Variants in GJB1 observed in about 807,000 individuals in gnomAD.
The protein encoded by GJB1 is gap junction beta-1 protein.
GJB1 carries 1 observed loss-of-function variant against 12.0 expected under a neutral mutation model. That is an observed-to-expected ratio of 0.08 (90% confidence interval 0.03 to 0.40). GJB1 has a LOEUF of 0.40. Ranked by LOEUF, GJB1 falls within the 10% of genes least tolerant of loss-of-function variation. The pLI, the probability that GJB1 is intolerant of heterozygous loss-of-function variation, is 0.98. For missense variants in GJB1, 140 were observed against 250.3 expected (o/e 0.56, Z 2.97); for synonymous variants, 114 against 102.8 (o/e 1.11, Z -0.66).
chrX:71,218,154 T>C (rs76949182), intron 1 of GJB1, among the ~76,000 whole-genome samples: 3 of 110,192 alleles, frequency 2.7e-5, no homozygotes, highest in Admixed American at 9.8e-5. Context: ...TAGCCAGGTG[T>C]GGTGACACGC....
At chrX:71,218,103 C>T (rs751907481) in intron 1 of GJB1, among the ~76,000 whole-genome samples, 1 of 110,837 alleles carries the variant, frequency 9.0e-6, no homozygotes, top group African/African-American at 3.3e-5. Flanking sequence ...ACCAGCCTGG[C>T]CAACATGGTA....
chrX:71,221,492 A>T (rs928048293), upstream of GJB1, among the ~76,000 whole-genome samples: 1 of 110,270 alleles, frequency 9.1e-6, no homozygotes, highest in African/African-American at 3.3e-5. Context: ...TTTCCTCTAC[A>T]GCATAGAGGA....
chrX:71,215,691 C>G (rs1306404171), intron 1 of GJB1, among the ~76,000 whole-genome samples: 1 of 111,313 alleles, frequency 9.0e-6, no homozygotes, highest in African/African-American at 3.3e-5. Context: ...GTTTTCCTTC[C>G]TTGATTACAA....
At chrX:71,218,338 A>T (rs2092529280), upstream of GJB1, among the ~76,000 whole-genome samples, 1 of 108,718 alleles carries the variant, frequency 9.2e-6, no homozygotes. Context: ...AAAGGGGAGA[A>T]GGGGCTAAAA....
At chrX:71,217,104 ATGTG>A (rs34246909) in intron 1 of GJB1, among the ~76,000 whole-genome samples, 3,295 of 93,457 alleles carry the variant, frequency 0.035, 51 homozygotes, top group Non-Finnish European at 0.049. Context: ...GACTAGACGA[ATGTG>A]TGTGTGTGTG....
intron 1 of GJB1, among the ~76,000 whole-genome samples, chrX:71,215,672 C>G (rs2092524601): frequency 9.0e-6 from 1 of 111,532 alleles, no homozygotes; most frequent in Non-Finnish European, 1.9e-5. Context: ...TTGGGCACTG[C>G]CAGGTGCTGT....
chrX:71,224,453 A>G lies in GJB1; in HGVS notation c.746A>G (p.Asn249Ser). The G allele has an allele frequency of 8.3e-7, 1 of 1,208,965 alleles. No homozygotes were observed. The highest frequency in any genetic ancestry group is 1.1e-6 in the Non-Finnish European group (1 of 894,104). Residue 249 changes from asparagine to serine, a missense_variant, in exon 2 of 2, where the codon AAC becomes AGC. Asn to Ser is a conservative substitution (Grantham distance 46). Coordinates refer to ENST00000361726, the MANE Select transcript of GJB1 (RefSeq NM_000166.6). ...LSPEYKQNEI[N>S]KLLSEQDGSL... ...CCTGAATACAAGCAGAATGAGATCA[A>G]CAAGCTGCTGAGTGAGCAGGATGGC...
chrX:71,215,914 C>G (rs1338268437), intron 1 of GJB1, among the ~76,000 whole-genome samples: 2 of 107,961 alleles, frequency 1.9e-5, no homozygotes, highest in Admixed American at 1.0e-4. Flanking sequence ...TCTTGTTGCC[C>G]TGGCTGGGGT....
At chrX:71,218,182 C>T (rs2092528919) in intron 1 of GJB1, among the ~76,000 whole-genome samples, 1 of 110,311 alleles carries the variant, frequency 9.1e-6, no homozygotes, top group Non-Finnish European at 1.9e-5. Context: ...ATCCCAGCTA[C>T]TCGGGAGGCT....
rs116840823 is a variant in GJB1, at chrX:71,224,268, AACCGTCTTC to A, written c.572_580del (p.Thr191_Phe193del). ...GCTTCGTGTCCCGCCCCACCGAGAA[AACCGTCTTC>A]ACCGTCTTCATGCTAGCTGCCTCTG... On this transcript the variant is annotated inframe_deletion, in exon 2 of 2. Transcript: ENST00000361726. The A allele has an allele frequency of 8.3e-7, 1 of 1,207,208 alleles. No homozygotes were observed. Among genetic ancestry groups the A allele is most frequent in the Non-Finnish European group, 1.1e-6 (1 of 895,058 alleles).
Position 71,223,250 on chromosome X carries a change from G to C in GJB1, c.-102G>C, listed in dbSNP as rs753207004. On this transcript the variant is annotated 5_prime_UTR_variant, in exon 1 of 2. Transcript: ENST00000361726. ...GGCGGTGATGAATTGGGACGCAGGC[G>C]CGGAGCCCAGGGACCACTCCCCCTG... 1.0e-5 allele frequency: 2 copies of C among 199,963 alleles called. No individual in the cohort carries two copies. The highest frequency in any genetic ancestry group is 1.8e-5 in the Non-Finnish European group (2 of 108,466). The allele number at this position is 199,963 out of a possible 1,213,427, so 16.5% of individuals were successfully genotyped here.
In GJB1 at chrX:71,224,351, G is replaced by A. The variant is rs864622215; in HGVS notation, c.644G>A (p.Arg215Gln). 6.6e-6 allele frequency: 8 copies of A among 1,209,074 alleles called. No homozygotes were observed. In the South Asian group the frequency reaches 1.2e-4, roughly 19 times the overall value. The change falls in exon 2 of 2, where the codon CGG becomes CAG. Residue 215 changes from arginine to glutamine, a missense_variant. Physicochemically the swap from Arg to Gln is conservative, Grantham distance 43. This residue lies in a region of GJB1 where 75 missense variants were observed against 78.8 expected (regional missense o/e 0.95). Transcript: ENST00000361726. ...NVAEVVYLII[R>Q]ACARRAQRRS... Reference sequence around the variant, plus strand: ...GCCGAGGTGGTGTACCTCATCATCCGGGCCTGTGCCCGCCGAGCCCAGCGC... The same window carrying A: ...GCCGAGGTGGTGTACCTCATCATCCAGGCCTGTGCCCGCCGAGCCCAGCGC...
rs1386941989 is a variant in GJB1 at position 71,224,142 on chromosome X, T to C, written c.435T>C (p.Phe145=). Residue 145 remains phenylalanine (F), a synonymous_variant, in exon 2 of 2, where the codon TTT becomes TTC. Coordinates refer to ENST00000361726, the MANE Select transcript of GJB1 (RefSeq NM_000166.6). ...YVISVVFRLL[F]EAVFMYVFYL... is the part of the protein sequence containing the mutation. ...TCAGCGTGGTGTTCCGGCTGTTGTTTGAGGCCGTCTTCATGTATGTCTTTT... is the reference window on the plus strand; with the variant it reads ...TCAGCGTGGTGTTCCGGCTGTTGTTCGAGGCCGTCTTCATGTATGTCTTTT... The C allele has an allele frequency of 8.3e-7, 1 of 1,203,026 alleles. No individual in the cohort carries two copies. Among genetic ancestry groups the C allele is most frequent in the African/African-American group, 1.8e-5 (1 of 56,665 alleles).
intron 1 of GJB1, chrX:71,217,777 G>T (rs925465569): frequency 9.0e-6 from 1 of 110,801 alleles, no homozygotes; most frequent in Non-Finnish European, 1.9e-5. Flanking sequence ...AAAAAAGGCG[G>T]GGAGTTACAA....
chrX:71,219,274 G>C (rs1317407345), upstream of GJB1, among the ~76,000 whole-genome samples: 1 of 108,390 alleles, frequency 9.2e-6, no homozygotes, highest in African/African-American at 3.4e-5. Flanking sequence ...GCCTGCCACA[G>C]CCTCTTAAGT....
chrX:71,218,400 T>TA, upstream of GJB1, among the ~76,000 whole-genome samples: 1 of 99,963 alleles, frequency 1.0e-5, no homozygotes, highest in East Asian at 3.8e-4. Context: ...TTTTTTTTTT[T>TA]TCAATCTCCC....
chrX:71,223,568 A>G, intron 1 of GJB1, 124 bp from the exon 2 acceptor site: 1 of 641,956 alleles, frequency 1.6e-6, no homozygotes, highest in Admixed American at 2.4e-5. Context: ...GAAAGACATG[A>G]CCATCCTTCC....
intron 1 of GJB1, among the ~76,000 whole-genome samples, chrX:71,216,695 T>A (rs2092526401): frequency 9.1e-6 from 1 of 109,768 alleles, no homozygotes; most frequent in Non-Finnish European, 1.9e-5. Context: ...AAAGAACAAA[T>A]CGGAATGAGC....
At chrX:71,222,394 A>G (rs2147943690), upstream of GJB1, among the ~76,000 whole-genome samples, 1 of 109,005 alleles carries the variant, frequency 9.2e-6, no homozygotes, top group Admixed American at 9.9e-5. Context: ...ATGCGCCACC[A>G]CACACGGCTA....
Sources: allele counts gnomAD v4.1 joint callset (sites outside exome capture counted in the v4.1 genomes callset), GRCh38; gene constraint gnomAD v4.1.1; regional missense constraint gnomAD v4.1.1; transcripts MANE v1.5; gene names NCBI Gene and HGNC (gene_info 2026-07-23, HGNC 2026-07-21).